The following SLC9A9 variants were observed in gnomAD, a reference collection of about 807,000 sequenced individuals.
The protein encoded by SLC9A9 is solute carrier family 9 member A9.
In SLC9A9, 62 loss-of-function variants were observed where a neutral mutation model predicts 77.8. The ratio of observed to expected loss-of-function variants is 0.80; its 90% CI spans 0.65 to 0.98. The LOEUF is 0.98. Among genes scored for constraint, SLC9A9 ranks in the 50% least tolerant of loss-of-function variants. The probability of loss-of-function intolerance (pLI) is 0.00; values close to 1 mark genes in which losing one functional copy is unlikely to be tolerated. For synonymous variants in SLC9A9, 320 were observed against 283.5 expected (o/e 1.13, Z -1.29); for missense variants, 775 against 774.9 (o/e 1.00, Z 0.00).
chr3:143,655,329 G>A (rs2038870194), intron 5 of SLC9A9, among the ~76,000 whole-genome samples: 2 of 152,152 alleles, frequency 1.3e-5, no homozygotes, highest in African/African-American at 2.4e-5. Flanking sequence ...GATAACCTAG[G>A]TCCAAGGCAG....
intron 2 of SLC9A9, among the ~76,000 whole-genome samples, chr3:143,818,399 C>T (rs1414651058): frequency 3.3e-5 from 5 of 152,088 alleles, no homozygotes; most frequent in Non-Finnish European, 7.4e-5. Flanking sequence ...CTCCACCTCC[C>T]GGCATCAAAT....
chr3:143,798,177 C>T (rs2008443142), intron 2 of SLC9A9, among the ~76,000 whole-genome samples: 1 of 152,220 alleles, frequency 6.6e-6, no homozygotes, highest in Admixed American at 6.5e-5. Context: ...ACTTCAATCT[C>T]TCCCTTCTCT....
At chr3:143,544,614 G>T (rs1483588701) in intron 9 of SLC9A9, among the ~76,000 whole-genome samples, 2 of 152,218 alleles carry the variant, frequency 1.3e-5, no homozygotes, top group South Asian at 2.1e-4. Flanking sequence ...CCATTATGTA[G>T]GTTGTCTGTT....
intron 9 of SLC9A9, among the ~76,000 whole-genome samples, chr3:143,544,113 GA>G (rs2036742181): frequency 6.6e-6 from 1 of 152,192 alleles, no homozygotes; most frequent in Admixed American, 6.5e-5. Context: ...GCACTTCTCT[GA>G]TAATTAGTGA....
intron 6 of SLC9A9, among the ~76,000 whole-genome samples, chr3:143,615,701 A>C (rs919098998): frequency 6.6e-6 from 1 of 152,180 alleles, no homozygotes; most frequent in African/African-American, 2.4e-5. Context: ...GTTATTAAGT[A>C]TTATAAACAA....
At chr3:143,508,936 T>G (rs1014162592) in intron 9 of SLC9A9, among the ~76,000 whole-genome samples, 1 of 152,220 alleles carries the variant, frequency 6.6e-6, no homozygotes, top group Non-Finnish European at 1.5e-5. Flanking sequence ...TAAACAGTGA[T>G]ATTAAAACTC....
At chr3:143,296,529 G>A (rs895138854) in intron 14 of SLC9A9, among the ~76,000 whole-genome samples, 3 of 152,198 alleles carry the variant, frequency 2.0e-5, no homozygotes, top group Non-Finnish European at 4.4e-5. Context: ...AACATGGGAT[G>A]CAAATATCTT....
chr3:143,578,794 C>A (rs2037408458), intron 6 of SLC9A9, 71 bp from the exon 7 acceptor site: 2 of 1,576,388 alleles, frequency 1.3e-6, no homozygotes, highest in African/African-American at 1.3e-5. Flanking sequence ...TTCGCACCCA[C>A]TTTGGGGAGA....
intron 6 of SLC9A9, among the ~76,000 whole-genome samples, chr3:143,617,434 T>C (rs2038125258): frequency 2.0e-5 from 3 of 152,200 alleles, no homozygotes; most frequent in Non-Finnish European, 4.4e-5. Context: ...TGGATTAGAA[T>C]AGATGGAGGC....
At chr3:143,500,639 C>T (rs923127412) in intron 9 of SLC9A9, among the ~76,000 whole-genome samples, 2 of 152,112 alleles carry the variant, frequency 1.3e-5, no homozygotes, top group African/African-American at 4.8e-5. Context: ...GCAGTCTTTC[C>T]TAGCTAGCTC....
At chr3:143,696,206 A>T (rs1032972555) in intron 4 of SLC9A9, among the ~76,000 whole-genome samples, 2 of 152,160 alleles carry the variant, frequency 1.3e-5, no homozygotes, top group Non-Finnish European at 1.5e-5. Context: ...TGTTTTAGTC[A>T]TGAAGTCTTT....
At chr3:143,564,361 C>T (rs183999389) in intron 8 of SLC9A9, among the ~76,000 whole-genome samples, 1 of 152,208 alleles carries the variant, frequency 6.6e-6, no homozygotes, top group Non-Finnish European at 1.5e-5. Flanking sequence ...TCTAAGACTA[C>T]AGAATACTGC....
chr3:143,491,185 G>A (rs937832668), intron 11 of SLC9A9, among the ~76,000 whole-genome samples: 5 of 152,150 alleles, frequency 3.3e-5, no homozygotes, highest in Non-Finnish European at 4.4e-5. Flanking sequence ...AGAGTCATAT[G>A]TAGGTAGGTG....
At chr3:143,280,841 C>T (rs755969701) in intron 14 of SLC9A9, among the ~76,000 whole-genome samples, 3 of 152,172 alleles carry the variant, frequency 2.0e-5, no homozygotes, top group African/African-American at 4.8e-5. Context: ...GCATGAGCTA[C>T]CGCGCCTAGC....
chr3:143,812,762 A>G, intron 2 of SLC9A9, among the ~76,000 whole-genome samples: 1 of 152,226 alleles, frequency 6.6e-6, no homozygotes, highest in East Asian at 1.9e-4. Flanking sequence ...AGACTAACAG[A>G]GAGACTAGAT....
chr3:143,793,489 A>G (rs2008280695), intron 4 of SLC9A9, among the ~76,000 whole-genome samples: 1 of 152,214 alleles, frequency 6.6e-6, no homozygotes, highest in Non-Finnish European at 1.5e-5. Context: ...TCAAGACCCC[A>G]TATTATAGAA....
intron 14 of SLC9A9, among the ~76,000 whole-genome samples, chr3:143,362,284 T>C (rs963258680): frequency 3.3e-5 from 5 of 152,214 alleles, no homozygotes; most frequent in Admixed American, 6.5e-5. Context: ...AACAGAGCTA[T>C]GAAAAAACAA....
chr3:143,396,797 T>C (rs1305759875), intron 12 of SLC9A9, among the ~76,000 whole-genome samples: 2 of 152,202 alleles, frequency 1.3e-5, no homozygotes, highest in Middle Eastern at 3.2e-3. Flanking sequence ...TGATTTTTCT[T>C]GTGATTTCTG....
Position 143,848,163 on chromosome 3 carries a change from CT to C in SLC9A9, c.159del (p.Gly54GlufsTer8). 6.2e-7 allele frequency: 1 copy of C among 1,613,904 alleles called. No individual in the cohort carries two copies. Among genetic ancestry groups the C allele is most frequent in the Non-Finnish European group, 8.5e-7 (1 of 1,179,842 alleles). On this transcript the variant is annotated frameshift_variant, in exon 1 of 16. Transcript: ENST00000316549. LOFTEE classifies it high-confidence loss of function. ...ATGCACTCACCATACACCATTGCTC[CT>C]CCAGTTTCATGCAAGAAGCGGAATC... is the stretch of plus-strand genomic sequence containing the variant. ...NHRFRFLHET[G>X]GAMVYGLIMG...
Sources: allele counts gnomAD v4.1 joint callset (sites outside exome capture counted in the v4.1 genomes callset), GRCh38; gene constraint gnomAD v4.1.1; transcripts MANE v1.5; gene names NCBI Gene and HGNC (gene_info 2026-07-23, HGNC 2026-07-21).